Variants in MROH6 observed in about 807,000 individuals in gnomAD.
MROH6 encodes maestro heat-like repeat-containing protein family member 6.
In MROH6, 62 loss-of-function variants were observed where a neutral mutation model predicts 67.7. The observed-to-expected ratio is 0.92, with a 90% CI of 0.75 to 1.13. The LOEUF (loss-of-function observed/expected upper bound fraction) is 1.13. Ranked by LOEUF, MROH6 falls within the 50% of genes most tolerant of loss-of-function variation. MROH6 has a pLI of 0.00. For missense variants in MROH6, 1,175 were observed against 1,029.1 expected (o/e 1.14, Z -1.94); for synonymous variants, 566 against 470.8 (o/e 1.20, Z -2.62).
At chr8:143,572,387 C>T (rs759124266) in intron 1 of MROH6, 34 bp downstream of exon 1, 14 of 1,520,502 alleles carry the variant, frequency 9.2e-6, no homozygotes, top group South Asian at 2.5e-5. Context: ...ACCCCCAGGC[C>T]GGTTCGCACA....
At chr8:143,568,444 G>A in intron 10 of MROH6, 108 bp downstream of exon 10, 2 of 1,444,904 alleles carry the variant, frequency 1.4e-6, no homozygotes, top group Admixed American at 2.5e-5. Context: ...TGCCACTGAG[G>A]TCCTTGGGAT....
rs766764735 is a variant in MROH6 at position 143,571,632 on chromosome 8, G to A, written c.602+35C>T. On this transcript the variant is annotated intron_variant, in intron 3 of 13. Transcript: ENST00000398882. ...CCAAGCGGGAAGAGGGAAGGAAGCC[G>A]CGTGGGGACCGCAGGGCCAGGACGG... 4.5e-5 allele frequency: 70 copies of A among 1,552,996 alleles called. No individual in the cohort carries two copies. The African/African-American group carries it at 5.9e-4, about 13-fold the overall frequency.
At chr8:143,568,449 T>A (rs992757048) in intron 10 of MROH6, 103 bp downstream of exon 10, 1 of 1,446,502 alleles carries the variant, frequency 6.9e-7, no homozygotes, top group South Asian at 1.4e-5. Context: ...CTGAGGTCCT[T>A]GGGATGGGTG....
At chr8:143,570,813 C>T (rs1823981694) in intron 4 of MROH6, 64 bp downstream of exon 4, 4 of 1,420,374 alleles carry the variant, frequency 2.8e-6, no homozygotes, top group Admixed American at 2.0e-5. Context: ...TATGCCCATC[C>T]TCCCCGCTCC....
chr8:143,570,748 C>T, intron 4 of MROH6, 91 bp from the exon 5 acceptor site: 1 of 1,450,484 alleles, frequency 6.9e-7, no homozygotes, highest in East Asian at 2.5e-5. Flanking sequence ...AGGATGGGGA[C>T]AGCCTCAGAC....
In MROH6 at chr8:143,568,646, C is replaced by T. The variant is rs1823780897; in HGVS notation, c.1550G>A (p.Arg517Gln). Residue 517 changes from arginine (R) to glutamine (Q), a missense_variant, in exon 10 of 14, where the codon CGG becomes CAG. Transcript: ENST00000398882. ...CCGCAGGGGGCCGCGGAGCCCCAGC[C>T]GGAGCCCGCCCCGGCCCCGGCGCAC... is the stretch of plus-strand genomic sequence containing the variant. Reference protein sequence around the residue: ...TLVRRGRGGLRLGLRGPLRKL... With the variant: ...TLVRRGRGGLQLGLRGPLRKL... 6.5e-7 allele frequency: 1 copy of T among 1,533,892 alleles called. No homozygotes were observed. The highest frequency in any genetic ancestry group is 1.4e-5 in the African/African-American group (1 of 72,742).
At chr8:143,569,348 A>C in intron 9 of MROH6, 93 bp downstream of exon 9, 3 of 954,942 alleles carry the variant, frequency 3.1e-6, no homozygotes, top group South Asian at 2.3e-5. Context: ...CCTGGGCGGG[A>C]GAGACGGGGG....
chr8:143,572,082 A>G lies in MROH6; in HGVS notation c.398T>C (p.Leu133Pro). 1 of 1,612,694 alleles carries G rather than the reference A, an allele frequency of 6.2e-7. No individual in the cohort carries two copies. Residue 133 changes from leucine (L) to proline (P), a missense_variant, in exon 2 of 14, where the codon CTC becomes CCC. Transcript: ENST00000398882. ...GGCCTCCAGGGCTGAGGACAGGGTG[A>G]GCACTGTCGCCTGGGTCCCTGCAAA... is the stretch of plus-strand genomic sequence containing the variant. ...AGFAGTQATV[L>P]TLSSALEARG...
intron 4 of MROH6, 36 bp from the exon 5 acceptor site, chr8:143,570,693 G>A (rs751237164): frequency 4.4e-5 from 68 of 1,562,522 alleles, no homozygotes; most frequent in African/African-American, 1.1e-4. Context: ...CCTGGGGCAC[G>A]CCTGGAGCTG....
Position 143,567,419 on chromosome 8 carries a change from T to TGCC in MROH6, c.1977_1979dup (p.Ala661dup). The TGCC allele has an allele frequency of 7.6e-7, 1 of 1,321,110 alleles. No homozygotes were observed. Among genetic ancestry groups the TGCC allele is most frequent in the East Asian group, 3.1e-5 (1 of 32,692 alleles). 81.8% of individuals were successfully genotyped at this position (1,321,110 alleles called of 1,614,324 possible). A position where few individuals can be genotyped will look rare whatever the true frequency, so the allele number is the denominator to read the frequency against. On this transcript the variant is annotated inframe_insertion, in exon 14 of 14. Coordinates refer to ENST00000398882, the MANE Select transcript of MROH6 (RefSeq NM_001100878.2). ...CCACCTGCTGAGCGGACACGTGCGC[T>TGCC]GCCGCGGCCACAGCCGGCTTGGGGT... is the stretch of plus-strand genomic sequence containing the variant.
At chr8:143,568,408 G>A in intron 10 of MROH6, 144 bp downstream of exon 10, 1 of 1,428,250 alleles carries the variant, frequency 7.0e-7, no homozygotes. Context: ...GGGAAGAGCA[G>A]TAGTAACCTG....
rs116873797 is a variant in MROH6, at chr8:143,568,172, G to A, written c.1734C>T (p.Pro578=). 3.4e-3 allele frequency: 5,545 copies of A among 1,609,984 alleles called. 236 individuals are homozygous for A. In the East Asian group the frequency reaches 0.098, roughly 28 times the overall value. Residue 578 remains proline (P), a synonymous_variant, in exon 11 of 14, where the codon CCC becomes CCT. Transcript: ENST00000398882. ...GGCAGCAGAGGTGGCTCAGGGCCTC[G>A]GGGCTGTCATAGTGGGCCACGGTGA... The part of the protein sequence containing the change: ...ELVTVAHYDS[P]EALSHLCCRL...
At position 143,567,362 on chromosome 8, in the gene MROH6, G is replaced by C; in HGVS notation, c.2037C>G (p.Arg679=). The C allele has an allele frequency of 8.2e-7, 1 of 1,222,590 alleles. No individual in the cohort carries two copies. The highest frequency in any genetic ancestry group is 1.0e-6 in the Non-Finnish European group (1 of 981,132). The allele number at this position is 1,222,590 out of a possible 1,614,324, so 75.7% of individuals were successfully genotyped here. A position where few individuals can be genotyped will look rare whatever the true frequency, so the allele number is the denominator to read the frequency against. ...AMLARARGCP[R]GPRLLRIAPR... is the part of the protein sequence containing the mutation. ...GGGCGATGCGGAGAAGGCGGGGCCC[G>C]CGGGGGCAGCCCCGGGCACGGGCCA... The change falls in exon 14 of 14, where the codon CGC becomes CGG. Residue 679 remains arginine, a synonymous_variant. Coordinates refer to ENST00000398882, the MANE Select transcript of MROH6 (RefSeq NM_001100878.2).
Position 143,570,579 on chromosome 8 carries a change from G to C in MROH6, c.799C>G (p.Leu267Val), listed in dbSNP as rs772923905. The change falls in exon 5 of 14, where the codon CTT becomes GTT. Residue 267 changes from leucine to valine, a missense_variant. Transcript: ENST00000398882. Reference protein sequence around the residue: ...ATRGFYPHLLLALVTQLHKLA... With the variant: ...ATRGFYPHLLVALVTQLHKLA... Reference sequence around the variant, plus strand: ...TTGTGCAGCTGTGTGACCAGCGCAAGCAGCAGATGTGGGTAGAAGCCCCTC... The same window carrying C: ...TTGTGCAGCTGTGTGACCAGCGCAACCAGCAGATGTGGGTAGAAGCCCCTC... The C allele has an allele frequency of 6.2e-7, 1 of 1,607,080 alleles. No individual in the cohort carries two copies. The highest frequency in any genetic ancestry group is 8.5e-7 in the Non-Finnish European group (1 of 1,179,832).
chr8:143,567,419 T>G lies in MROH6; in HGVS notation c.1980A>C (p.Ala660=). The change falls in exon 14 of 14, where the codon GCA becomes GCC. Residue 660 remains alanine (A), a synonymous_variant. Coordinates refer to ENST00000398882, the MANE Select transcript of MROH6 (RefSeq NM_001100878.2). ...QSDPKPAVAA[A]AHVSAQQVAM... ...CCACCTGCTGAGCGGACACGTGCGCTGCCGCGGCCACAGCCGGCTTGGGGT... is the reference window on the plus strand; with the variant it reads ...CCACCTGCTGAGCGGACACGTGCGCGGCCGCGGCCACAGCCGGCTTGGGGT... The G allele has an allele frequency of 7.6e-7, 1 of 1,321,110 alleles. No individual in the cohort carries two copies. The highest frequency in any genetic ancestry group is 9.7e-7 in the Non-Finnish European group (1 of 1,034,814). The allele number at this position is 1,321,110 out of a possible 1,614,324, so 81.8% of individuals were successfully genotyped here.
chr8:143,572,064 A>G lies in MROH6; in HGVS notation c.416T>C (p.Leu139Pro), dbSNP rs373822288. The change falls in exon 2 of 14, where the codon CTG becomes CCG. Residue 139 changes from leucine to proline, a missense_variant. Leu to Pro is a moderately conservative substitution (Grantham distance 98). Transcript: ENST00000398882. ...QATVLTLSSA[L>P]EARGERLEDQ... ...CTCCAACCGCTCGCCCCGGGCCTCCAGGGCTGAGGACAGGGTGAGCACTGT... is the reference window on the plus strand; with the variant it reads ...CTCCAACCGCTCGCCCCGGGCCTCCGGGGCTGAGGACAGGGTGAGCACTGT... 128 of 1,612,364 alleles carry G rather than the reference A, an allele frequency of 7.9e-5. No individual in the cohort carries two copies. The African/African-American group carries it at 1.5e-3, about 19-fold the overall frequency.
intron 11 of MROH6, 35 bp from the exon 12 acceptor site, chr8:143,567,923 G>T (rs764103013): frequency 2.0e-6 from 3 of 1,505,918 alleles, no homozygotes; most frequent in Non-Finnish European, 1.8e-6. Context: ...GGACAGGAGG[G>T]CTGATCCTGA....
intron 8 of MROH6, 30 bp downstream of exon 8, chr8:143,569,667 C>A (rs146481982): frequency 2.5e-6 from 4 of 1,608,044 alleles, no homozygotes; most frequent in Non-Finnish European, 3.4e-6. Context: ...CCGGGCCAAG[C>A]CCCTCTCCAC....
Position 143,572,035 on chromosome 8 carries a change from G to C in MROH6, c.445C>G (p.Gln149Glu), listed in dbSNP as rs751520615. ...GCATGAAGTGGGTGAAGGCTGACCT[G>C]GTCCTCCAACCGCTCGCCCCGGGCC... ...LEARGERLED[Q>E]VHALVRGLLA... is the part of the protein sequence containing the mutation. The change falls in exon 2 of 14, where the codon CAG becomes GAG. Residue 149 changes from glutamine (Q) to glutamate (E), a missense_variant and splice_region_variant. Coordinates refer to ENST00000398882, the MANE Select transcript of MROH6 (RefSeq NM_001100878.2). 1 of 1,610,712 alleles carries C rather than the reference G, an allele frequency of 6.2e-7. No individual in the cohort carries two copies. The highest frequency in any genetic ancestry group is 8.5e-7 in the Non-Finnish European group (1 of 1,178,784).
Sources: gnomAD v4.1 joint callset for allele counts on GRCh38, gnomAD v4.1.1 for gene constraint, MANE v1.5 for transcripts, NCBI Gene and HGNC (gene_info 2026-07-23, HGNC 2026-07-21) for gene names.